Variants in GRK3 observed in about 807,000 individuals in gnomAD.
The protein encoded by GRK3 is G protein-coupled receptor kinase 3.
A neutral mutation model predicts 95.7 loss-of-function variants in GRK3; 54 were observed. The observed-to-expected ratio is 0.56, with a 90% confidence interval of 0.45 to 0.71. GRK3 has a LOEUF of 0.71. Ranked by LOEUF, GRK3 falls within the 30% of genes least tolerant of loss-of-function variation. The probability of loss-of-function intolerance (pLI) is 0.00; values close to 1 mark genes in which losing one functional copy is unlikely to be tolerated. For missense variants in GRK3, 649 were observed against 851.2 expected (o/e 0.76, Z 2.96); for synonymous variants, 281 against 290.8 (o/e 0.97, Z 0.34).
intron 1 of GRK3, among the ~76,000 whole-genome samples, chr22:25,585,666 G>A (rs1019239086): frequency 6.6e-6 from 1 of 152,288 alleles, no homozygotes; most frequent in Non-Finnish European, 1.5e-5. Context: ...TTTATGAGTT[G>A]TTTAGGAGTG....
At chr22:25,712,424 G>A (rs1449862568) in intron 17 of GRK3, among the ~76,000 whole-genome samples, 1 of 152,158 alleles carries the variant, frequency 6.6e-6, no homozygotes, top group Non-Finnish European at 1.5e-5. Flanking sequence ...CATTTACAAA[G>A]GTATTTAAAA....
At chr22:25,721,481 T>C (rs2085431809) in intron 20 of GRK3, 84 bp downstream of exon 20, 4 of 788,896 alleles carry the variant, frequency 5.1e-6, no homozygotes, top group Admixed American at 5.1e-5. Flanking sequence ...AACATTTTCT[T>C]ATGCCATGTT....
intron 5 of GRK3, 44 bp from the exon 6 acceptor site, chr22:25,667,695 A>T: frequency 7.1e-7 from 1 of 1,414,812 alleles, no homozygotes; most frequent in Non-Finnish European, 1.0e-6. Context: ...TTTTTGATAC[A>T]TTCCGATTCA....
chr22:25,719,088 A>G (rs2085410030), intron 19 of GRK3, among the ~76,000 whole-genome samples: 1 of 152,056 alleles, frequency 6.6e-6, no homozygotes, highest in Non-Finnish European at 1.5e-5. Flanking sequence ...ACCTGGGCAG[A>G]TTATACATTT....
At chr22:25,654,583 G>T (rs777622422) in intron 3 of GRK3, among the ~76,000 whole-genome samples, 4 of 152,110 alleles carry the variant, frequency 2.6e-5, no homozygotes, top group Non-Finnish European at 5.9e-5. Flanking sequence ...ATTTTACCTG[G>T]ATACGTATCC....
intron 6 of GRK3, among the ~76,000 whole-genome samples, chr22:25,669,417 G>A (rs1269719806): frequency 6.6e-6 from 1 of 152,182 alleles, no homozygotes; most frequent in Non-Finnish European, 1.5e-5. Context: ...AACTTCAGTT[G>A]CTCAGCAGGA....
intron 2 of GRK3, among the ~76,000 whole-genome samples, chr22:25,629,545 G>T (rs540134951): frequency 1.2e-4 from 19 of 152,258 alleles, no homozygotes; most frequent in Admixed American, 3.9e-4. Flanking sequence ...TGATGACTTC[G>T]ATGTCTTTTC....
chr22:25,722,219 T>C lies in GRK3; in HGVS notation c.1906-70T>C, dbSNP rs1361121923. ...GGGTTCCAGGGACGCTGGTAATCAA[T>C]AGGGGCAGCCTCCGCTGTTGGCAAA... is the stretch of plus-strand genomic sequence containing the variant. On this transcript the variant is annotated intron_variant, in intron 20 of 20. Coordinates refer to ENST00000324198, the MANE Select transcript of GRK3 (RefSeq NM_005160.4). The C allele has an allele frequency of 3.8e-6, 6 of 1,559,584 alleles. No homozygotes were observed. The East Asian group carries it at 6.8e-5, about 18-fold the overall frequency.
intron 2 of GRK3, among the ~76,000 whole-genome samples, chr22:25,619,495 T>C (rs1047348349): frequency 6.6e-6 from 1 of 152,004 alleles, no homozygotes; most frequent in Admixed American, 6.5e-5. Context: ...TTGTTGTCGT[T>C]GTTTTCGATA....
At chr22:25,669,875 A>G (rs2084967454) in intron 6 of GRK3, among the ~76,000 whole-genome samples, 1 of 152,250 alleles carries the variant, frequency 6.6e-6, no homozygotes, top group Admixed American at 6.5e-5. Flanking sequence ...CTGTGAGAAA[A>G]GACAGTAAGA....
intron 1 of GRK3, among the ~76,000 whole-genome samples, chr22:25,569,096 T>C (rs1931594333): frequency 6.6e-6 from 1 of 152,214 alleles, no homozygotes; most frequent in African/African-American, 2.4e-5. Context: ...GTTTAGGCTG[T>C]AGAGTTTTCT....
chr22:25,652,322 T>G (rs1380143809), intron 3 of GRK3, among the ~76,000 whole-genome samples: 2 of 152,120 alleles, frequency 1.3e-5, no homozygotes, highest in Admixed American at 1.3e-4. Flanking sequence ...TCCCAGCTAC[T>G]CAGGAGGCTG....
chr22:25,636,986 C>A (rs1265765333), intron 2 of GRK3, among the ~76,000 whole-genome samples: 1 of 152,186 alleles, frequency 6.6e-6, no homozygotes, highest in East Asian at 1.9e-4. Flanking sequence ...GCATTTGAAT[C>A]AGTGTAAAAA....
At chr22:25,648,280 C>G in intron 3 of GRK3, 2 of 877,686 alleles carry the variant, frequency 2.3e-6, no homozygotes. Flanking sequence ...TATATCACAA[C>G]CAGAGAACAA....
At chr22:25,656,451 A>G (rs1436127565) in intron 3 of GRK3, among the ~76,000 whole-genome samples, 1 of 152,050 alleles carries the variant, frequency 6.6e-6, no homozygotes, top group Non-Finnish European at 1.5e-5. Flanking sequence ...TGAGTAGCTT[A>G]GATAACAGGG....
intron 10 of GRK3, among the ~76,000 whole-genome samples, chr22:25,687,114 C>A (rs1013965056): frequency 1.3e-5 from 2 of 150,184 alleles, no homozygotes; most frequent in African/African-American, 5.1e-5. Context: ...GCCACTGTGC[C>A]CAGCCTAGTT....
chr22:25,573,349 T>C (rs750246534), intron 1 of GRK3, among the ~76,000 whole-genome samples: 1 of 152,226 alleles, frequency 6.6e-6, no homozygotes, highest in South Asian at 2.1e-4. Context: ...ATTGAGTCCC[T>C]CTGAAGTTCC....
intron 1 of GRK3, among the ~76,000 whole-genome samples, chr22:25,599,778 A>G (rs1468293314): frequency 2.0e-5 from 3 of 152,160 alleles, no homozygotes; most frequent in Non-Finnish European, 4.4e-5. Context: ...AATGCTTATT[A>G]TTACTCATTA....
chr22:25,722,453 C>G lies in GRK3; in HGVS notation c.*3C>G. ...ACAGAAACAGCAACGGCCTCTAGCACCCAGAAACAGGGAGGGTCCTCGAGG... is the reference window on the plus strand; with the variant it reads ...ACAGAAACAGCAACGGCCTCTAGCAGCCAGAAACAGGGAGGGTCCTCGAGG... On this transcript the variant is annotated 3_prime_UTR_variant, in exon 21 of 21. Transcript: ENST00000324198. 5.6e-6 allele frequency: 9 copies of G among 1,613,792 alleles called. No individual in the cohort carries two copies. Among genetic ancestry groups the G allele is most frequent in the Non-Finnish European group, 7.6e-6 (9 of 1,179,766 alleles).
Sources: gnomAD v4.1 joint callset for allele counts (sites outside exome capture counted in the v4.1 genomes callset) on GRCh38, gnomAD v4.1.1 for gene constraint, MANE v1.5 for transcripts, NCBI Gene and HGNC (gene_info 2026-07-23, HGNC 2026-07-21) for gene names.